ANKRD17: variants seen among roughly 807,000 people sequenced by gnomAD.
ANKRD17 encodes ankyrin repeat domain-containing protein 17.
Under a neutral mutation model 229.7 loss-of-function variants are expected in ANKRD17, and 19 were observed. That is an observed-to-expected ratio of 0.08 (90% CI 0.06 to 0.12). The LOEUF is 0.12. Among genes scored for constraint, ANKRD17 ranks in the 10% least tolerant of loss-of-function variants. ANKRD17 has a pLI of 1.00. For missense variants in ANKRD17, 2,176 were observed against 3,176.8 expected, an observed-to-expected ratio of 0.68 and a Z score of 7.57; for synonymous variants, 1,112 against 1,146.1, an observed-to-expected ratio of 0.97 and a Z score of 0.60.
At chr4:73,083,826 T>C (rs1447078480) in intron 30 of ANKRD17, among the ~76,000 whole-genome samples, 1 of 152,076 alleles carries the variant, frequency 6.6e-6, no homozygotes, top group Non-Finnish European at 1.5e-5. Flanking sequence ...CAATGTACTC[T>C]GACATGTATC....
intron 1 of ANKRD17, among the ~76,000 whole-genome samples, chr4:73,228,208 T>G (rs914396234): frequency 5.3e-5 from 8 of 152,128 alleles, no homozygotes; most frequent in Admixed American, 2.0e-4. Flanking sequence ...GTGAAAGATA[T>G]TAAAACAGAA....
At chr4:73,169,119 T>C (rs773752891) in intron 2 of ANKRD17, 3 of 152,236 alleles carry the variant, frequency 2.0e-5, no homozygotes, top group Non-Finnish European at 2.9e-5. Flanking sequence ...TATTCTTTTT[T>C]ATGGCTGCAT....
chr4:73,183,365 T>C (rs1411690742), intron 1 of ANKRD17, among the ~76,000 whole-genome samples: 2 of 152,338 alleles, frequency 1.3e-5, no homozygotes, highest in Admixed American at 1.3e-4. Flanking sequence ...GTCGGAAATT[T>C]GTCATCAAAT....
chr4:73,097,272 T>C lies in ANKRD17; in HGVS notation c.5022A>G (p.Lys1674=), dbSNP rs760109765. 1.9e-6 allele frequency: 3 copies of C among 1,565,976 alleles called. No homozygotes were observed. In the South Asian group the frequency reaches 3.7e-5, roughly 19 times the overall value. Residue 1674 remains lysine, a splice_region_variant and synonymous_variant, in exon 27 of 34, where the codon AAA becomes AAG. Coordinates refer to ENST00000358602, the MANE Select transcript of ANKRD17 (RefSeq NM_032217.5). ...RKSVSGKASI[K]LSETISEGTS... Reference sequence around the variant, plus strand: ...TCCCTTCACTGATAGTTTCTGACAATCTTTAACAAAGAGAGGGAAAGTACA... The same window carrying C: ...TCCCTTCACTGATAGTTTCTGACAACCTTTAACAAAGAGAGGGAAAGTACA...
At position 73,144,776 on chromosome 4, in the gene ANKRD17, A is replaced by G. The variant is rs1412952146; in HGVS notation, c.1926T>C (p.His642=). 3.7e-6 allele frequency: 6 copies of G among 1,606,492 alleles called. No homozygotes were observed. The highest frequency in any genetic ancestry group is 4.2e-6 in the Non-Finnish European group (5 of 1,177,348). Residue 642 remains histidine (H), a synonymous_variant, in exon 11 of 34, where the codon CAT becomes CAC. Transcript: ENST00000358602. ...TPLMKAARAG[H]VCTVQFLISK... is the part of the protein sequence containing the mutation. ...TAATTAAGAACTGAACAGTACAAAC[A>G]TGACCAGCTCTTGCAGCTTTCATTA...
chr4:73,084,256 T>C (rs1054363592), intron 30 of ANKRD17, among the ~76,000 whole-genome samples: 2 of 152,106 alleles, frequency 1.3e-5, no homozygotes, highest in Non-Finnish European at 2.9e-5. Flanking sequence ...CACATGCCTG[T>C]AGTCCCATTT....
At chr4:73,207,340 G>C (rs1014285057) in intron 1 of ANKRD17, among the ~76,000 whole-genome samples, 4 of 151,776 alleles carry the variant, frequency 2.6e-5, no homozygotes, top group Non-Finnish European at 5.9e-5. Flanking sequence ...CCTAATAAAA[G>C]GCATGAACAA....
Position 73,125,727 on chromosome 4 carries a change from C to T in ANKRD17, c.3235-415G>A, listed in dbSNP as rs571916481. 7.8e-5 allele frequency among the ~76,000 whole-genome samples: 9 copies of T among 115,524 alleles called. No individual in the cohort carries two copies. The East Asian group carries it at 1.2e-3, about 15-fold the overall frequency. The allele number at this position is 115,524 out of a possible 152,430, so 75.8% of individuals were successfully genotyped here. Reference sequence around the variant, plus strand: ...CAGCCTGGGTGACAAAGCGAGACTCCGTCTCAAAAAAAAAAAAAAAAAGAA... The same window carrying T: ...CAGCCTGGGTGACAAAGCGAGACTCTGTCTCAAAAAAAAAAAAAAAAAGAA... On this transcript the variant is annotated intron_variant, in intron 16 of 33. Transcript: ENST00000358602.
At chr4:73,247,063 T>C (rs563600892) in intron 1 of ANKRD17, among the ~76,000 whole-genome samples, 1 of 152,130 alleles carries the variant, frequency 6.6e-6, no homozygotes, top group East Asian at 1.9e-4. Context: ...AAATTAATAC[T>C]ATAAATACTA....
At chr4:73,123,050 T>C (rs147799987) in intron 18 of ANKRD17, among the ~76,000 whole-genome samples, 169 of 152,214 alleles carry the variant, frequency 1.1e-3, no homozygotes, top group African/African-American at 3.9e-3. Context: ...TAGGCAAAAT[T>C]GTTACCCTAA....
In ANKRD17 at chr4:73,135,258, A is replaced by G. The variant is rs1346809259; in HGVS notation, c.3093T>C (p.Ser1031=). The change falls in exon 16 of 34, where the codon AGT becomes AGC. Residue 1031 remains serine, a synonymous_variant. Coordinates refer to ENST00000358602, the MANE Select transcript of ANKRD17 (RefSeq NM_032217.5). ...DTLDDIMAAV[S]GRASAMSNTP... Reference sequence around the variant, plus strand: ...TGTTTGACATTGCAGATGCTCTTCCACTGACTGCTGTTGAACAAAATAACT... The same window carrying G: ...TGTTTGACATTGCAGATGCTCTTCCGCTGACTGCTGTTGAACAAAATAACT... The G allele has an allele frequency of 4.3e-6, 7 of 1,611,114 alleles. No individual in the cohort carries two copies. The East Asian group carries it at 1.1e-4, about 26-fold the overall frequency.
chr4:73,168,186 C>G (rs1366705279), intron 2 of ANKRD17, among the ~76,000 whole-genome samples: 1 of 151,828 alleles, frequency 6.6e-6, no homozygotes, highest in East Asian at 1.9e-4. Context: ...TACTGTATTA[C>G]AAGATGTTTA....
rs1369888602 is a variant in ANKRD17, at chr4:73,091,018, T to C, written c.6610A>G (p.Ser2204Gly). 6.2e-7 allele frequency: 1 copy of C among 1,614,224 alleles called. No homozygotes were observed. Among genetic ancestry groups the C allele is most frequent in the Admixed American group, 1.7e-5 (1 of 60,024 alleles). Residue 2204 changes from serine (S) to glycine (G), a missense_variant, in exon 29 of 34, where the codon AGT (serine) becomes GGT (glycine). Transcript: ENST00000358602. ...SVQNSSVAVL[S>G]VNHIKRPHSV... is the part of the protein sequence containing the mutation. Reference sequence around the variant, plus strand: ...TGAGGTCTTTTAATGTGATTGACACTGAGGACTGCAACAGATGAATTTTGC... The same window carrying C: ...TGAGGTCTTTTAATGTGATTGACACCGAGGACTGCAACAGATGAATTTTGC...
At chr4:73,191,799 C>A (rs1737143882) in intron 1 of ANKRD17, among the ~76,000 whole-genome samples, 1 of 152,078 alleles carries the variant, frequency 6.6e-6, no homozygotes, top group Non-Finnish European at 1.5e-5. Flanking sequence ...CATCCATTGA[C>A]AGATAATATC....
At chr4:73,171,014 G>A (rs1235445308) in intron 2 of ANKRD17, among the ~76,000 whole-genome samples, 1 of 152,066 alleles carries the variant, frequency 6.6e-6, no homozygotes, top group African/African-American at 2.4e-5. Flanking sequence ...TAGAGCCCTA[G>A]GGCCTTCAGC....
At position 73,237,103 on chromosome 4, in the gene ANKRD17, CAA is replaced by C. The variant is rs1743578801; in HGVS notation, c.393+21171_393+21172del. On this transcript the variant is annotated intron_variant, in intron 1 of 33. Transcript: ENST00000358602. ...CCCTTCTTCCTACTTGCTCTCTGAT[CAA>C]AGTTTTCAGAAAAACTTCTGCTTAT... 2.0e-5 allele frequency among the ~76,000 whole-genome samples: 3 copies of C among 152,220 alleles called. No homozygotes were observed. The South Asian group carries it at 6.2e-4, about 32-fold the overall frequency.
intron 24 of ANKRD17, among the ~76,000 whole-genome samples, chr4:73,103,151 G>A (rs1315567320): frequency 6.6e-6 from 1 of 151,576 alleles, no homozygotes; most frequent in East Asian, 1.9e-4. Context: ...TACTAGATAG[G>A]CACCGTAAGT....
chr4:73,160,521 AT>A (rs1419210924), intron 3 of ANKRD17, among the ~76,000 whole-genome samples: 1 of 151,960 alleles, frequency 6.6e-6, no homozygotes, highest in African/African-American at 2.4e-5. Flanking sequence ...CCTGGCTTCC[AT>A]TTTTCAATAT....
At chr4:73,102,080 A>C (rs1190837642) in intron 25 of ANKRD17, among the ~76,000 whole-genome samples, 1 of 151,922 alleles carries the variant, frequency 6.6e-6, no homozygotes, top group African/African-American at 2.4e-5. Flanking sequence ...CCCAGTAGCT[A>C]GCTGGGACTA....
Sources: gnomAD v4.1 joint callset for allele counts (sites outside exome capture counted in the v4.1 genomes callset) on GRCh38, gnomAD v4.1.1 for gene constraint, MANE v1.5 for transcripts, NCBI Gene and HGNC (gene_info 2026-07-23, HGNC 2026-07-21) for gene names.